The following CRIM1 variants were observed in gnomAD, a reference collection of about 807,000 sequenced individuals.
The protein encoded by CRIM1 is cysteine rich transmembrane BMP regulator 1.
CRIM1 carries 32 observed loss-of-function variants against 116.4 expected under a neutral mutation model. The ratio of observed to expected loss-of-function variants is 0.27; its 90% CI spans 0.21 to 0.37. The LOEUF (loss-of-function observed/expected upper bound fraction) is 0.37. Among genes scored for constraint, CRIM1 ranks in the 10% least tolerant of loss-of-function variants. CRIM1 has a pLI of 1.00. For synonymous variants in CRIM1, 590 were observed against 509.2 expected (o/e 1.16, Z -2.13); for missense variants, 1,331 against 1,354.8 (o/e 0.98, Z 0.28).
chr2:36,480,616 C>T (rs149946067), intron 7 of CRIM1, among the ~76,000 whole-genome samples: 18 of 152,222 alleles, frequency 1.2e-4, no homozygotes, highest in African/African-American at 2.2e-4. Context: ...GTGCTTCCAC[C>T]GAAATGTTAA....
chr2:36,477,796 C>G (rs1679098973), intron 6 of CRIM1, among the ~76,000 whole-genome samples: 1 of 152,248 alleles, frequency 6.6e-6, no homozygotes, highest in Non-Finnish European at 1.5e-5. Context: ...ATATCACTCC[C>G]TGCAACCCAC....
chr2:36,511,249 G>C (rs1664655690), intron 9 of CRIM1, among the ~76,000 whole-genome samples: 1 of 152,082 alleles, frequency 6.6e-6, no homozygotes, highest in African/African-American at 2.4e-5. Context: ...CCTAGTGCTA[G>C]TAATTATAAG....
intron 7 of CRIM1, among the ~76,000 whole-genome samples, chr2:36,483,915 T>G (rs1679617110): frequency 6.6e-6 from 1 of 152,168 alleles, no homozygotes; most frequent in Non-Finnish European, 1.5e-5. Flanking sequence ...GAAGGAAGAA[T>G]AATGTCAGCA....
intron 8 of CRIM1, among the ~76,000 whole-genome samples, chr2:36,504,450 T>C (rs1269479538): frequency 6.6e-6 from 1 of 152,228 alleles, no homozygotes; most frequent in Non-Finnish European, 1.5e-5. Context: ...TAGAAACATG[T>C]GCTTCAAAAG....
intron 7 of CRIM1, among the ~76,000 whole-genome samples, chr2:36,496,704 A>G (rs961159949): frequency 1.3e-5 from 2 of 152,140 alleles, no homozygotes; most frequent in Non-Finnish European, 2.9e-5. Context: ...CCTCTCCTGG[A>G]GAAATGTGTG....
intron 7 of CRIM1, among the ~76,000 whole-genome samples, chr2:36,490,538 G>A (rs1328810627): frequency 2.0e-5 from 3 of 152,102 alleles, no homozygotes; most frequent in African/African-American, 7.2e-5. Context: ...AGATTCAAAG[G>A]CCAGTCCACT....
At chr2:36,418,069 A>G (rs536770318) in intron 2 of CRIM1, among the ~76,000 whole-genome samples, 7 of 152,186 alleles carry the variant, frequency 4.6e-5, no homozygotes, top group African/African-American at 1.2e-4. Flanking sequence ...AGCACTGACT[A>G]TGCTTTCAAG....
chr2:36,378,400 A>G (rs1203540749), intron 1 of CRIM1: 2 of 471,180 alleles, frequency 4.2e-6, no homozygotes, highest in Admixed American at 4.7e-5. Flanking sequence ...ATTACTGCTC[A>G]TCTCAAAGAG....
intron 1 of CRIM1, among the ~76,000 whole-genome samples, chr2:36,395,693 C>G (rs1468122998): frequency 6.6e-6 from 1 of 152,112 alleles, no homozygotes; most frequent in Non-Finnish European, 1.5e-5. Context: ...TGGTCTCAGC[C>G]TTTGTATTCA....
At chr2:36,371,452 G>C (rs1015510594) in intron 1 of CRIM1, among the ~76,000 whole-genome samples, 6 of 152,094 alleles carry the variant, frequency 3.9e-5, no homozygotes, top group African/African-American at 9.7e-5. Context: ...CTAGACTCAA[G>C]GTCATCCAAG....
intron 7 of CRIM1, among the ~76,000 whole-genome samples, chr2:36,492,826 A>T (rs1212841156): frequency 6.6e-6 from 1 of 152,146 alleles, no homozygotes; most frequent in African/African-American, 2.4e-5. Flanking sequence ...TTGCTTAACC[A>T]CGTTCAGCCC....
At chr2:36,465,947 G>A (rs990771871) in intron 5 of CRIM1, among the ~76,000 whole-genome samples, 9 of 151,186 alleles carry the variant, frequency 6.0e-5, no homozygotes, top group East Asian at 1.9e-4. Flanking sequence ...GTGCAGTGGC[G>A]CAATCTCGGC....
chr2:36,506,053 T>C (rs1278284568), intron 8 of CRIM1, among the ~76,000 whole-genome samples: 1 of 151,950 alleles, frequency 6.6e-6, no homozygotes, highest in African/African-American at 2.4e-5. Context: ...GGGTTGAGGG[T>C]GGCCACAGCC....
chr2:36,458,859 C>T (rs1677356090), intron 4 of CRIM1, among the ~76,000 whole-genome samples: 1 of 152,162 alleles, frequency 6.6e-6, no homozygotes, highest in Admixed American at 6.5e-5. Flanking sequence ...GATGAGAAAA[C>T]AGTCTGCAAG....
chr2:36,499,628 G>GCT (rs1680848498), intron 8 of CRIM1, among the ~76,000 whole-genome samples: 1 of 152,020 alleles, frequency 6.6e-6, no homozygotes, highest in South Asian at 2.1e-4. Context: ...CACCCAGAAC[G>GCT]CTCTCCCTTT....
chr2:36,456,366 A>G (rs559773884), intron 4 of CRIM1, among the ~76,000 whole-genome samples: 11 of 152,246 alleles, frequency 7.2e-5, no homozygotes, highest in South Asian at 6.2e-4. Flanking sequence ...CAAAGCATCT[A>G]TTTTCTGAGG....
At chr2:36,369,772 C>G (rs892645344) in intron 1 of CRIM1, among the ~76,000 whole-genome samples, 1 of 152,154 alleles carries the variant, frequency 6.6e-6, no homozygotes, top group African/African-American at 2.4e-5. Context: ...GGGTAGTGAA[C>G]TATTTCTGTA....
intron 12 of CRIM1, among the ~76,000 whole-genome samples, chr2:36,519,286 C>A (rs1433455338): frequency 6.6e-6 from 1 of 152,178 alleles, no homozygotes; most frequent in Admixed American, 6.5e-5. Flanking sequence ...GTGGCATGTG[C>A]AGAGGCCCAT....
intron 7 of CRIM1, among the ~76,000 whole-genome samples, chr2:36,498,596 C>T (rs750495455): frequency 6.6e-5 from 10 of 152,170 alleles, no homozygotes; most frequent in Admixed American, 6.5e-5. Flanking sequence ...CATGGCTGCT[C>T]ACTCTTTGTC....
Sources: allele counts gnomAD v4.1 joint callset (sites outside exome capture counted in the v4.1 genomes callset), GRCh38; gene constraint gnomAD v4.1.1; transcripts MANE v1.5; gene names NCBI Gene and HGNC (gene_info 2026-07-23, HGNC 2026-07-21).